Variants in ABCC9 observed in about 807,000 individuals in gnomAD.
ABCC9 encodes ATP binding cassette subfamily C member 9.
ABCC9 carries 95 observed loss-of-function variants against 188.3 expected under a neutral mutation model. That is an observed-to-expected ratio of 0.50 (90% CI 0.43 to 0.60). ABCC9 has a LOEUF of 0.60. ABCC9 is among the 20% of genes least tolerant of loss of function. The probability of loss-of-function intolerance (pLI) is 0.00; values close to 1 mark genes in which losing one functional copy is unlikely to be tolerated. For synonymous variants in ABCC9, 659 were observed against 652.7 expected (o/e 1.01, Z -0.15); for missense variants, 1,102 against 1,876.3 (o/e 0.59, Z 7.62).
chr12:21,818,355 T>C (rs542193237), intron 31 of ABCC9, 104 bp from the exon 32 acceptor site: 21 of 854,456 alleles, frequency 2.5e-5, no homozygotes, highest in South Asian at 2.4e-4. Context: ...CATCATTCCA[T>C]GTGTGTCCTG....
At chr12:21,830,670 A>G (rs1037266146) in intron 30 of ABCC9, among the ~76,000 whole-genome samples, 8 of 152,212 alleles carry the variant, frequency 5.3e-5, no homozygotes, top group Non-Finnish European at 7.3e-5. Context: ...GATCATTCCA[A>G]TATGTCAAAA....
intron 35 of ABCC9, among the ~76,000 whole-genome samples, chr12:21,812,692 C>T (rs1170069928): frequency 6.6e-6 from 1 of 151,922 alleles, no homozygotes; most frequent in Non-Finnish European, 1.5e-5. Context: ...CACACTGGGG[C>T]CTCTCGAGGG....
In ABCC9 at chr12:21,878,706, G is replaced by A. The variant is rs909162449; in HGVS notation, c.2020-2980C>T. Among the ~76,000 whole-genome samples, 4 of 152,270 alleles carry A rather than the reference G, an allele frequency of 2.6e-5. No individual in the cohort carries two copies. The East Asian group carries it at 7.7e-4, about 29-fold the overall frequency. On this transcript the variant is annotated intron_variant, in intron 16 of 39. Transcript: ENST00000261200. ...AGCTTTATGAGTGTGACAGGGAAAG[G>A]TTATGGTCTGAAAGTAGCAGGAAAG...
rs781012885 is a variant in ABCC9 at position 21,801,100 on chromosome 12, T to C, written c.4594A>G (p.Ser1532Gly). 1.9e-6 allele frequency: 3 copies of C among 1,614,036 alleles called. No homozygotes were observed. Among genetic ancestry groups the C allele is most frequent in the Middle Eastern group, 1.6e-4 (1 of 6,062 alleles). Residue 1532 changes from serine to glycine, a missense_variant, in exon 40 of 40, where the codon AGC becomes GGC. Ser to Gly is a moderately conservative substitution (Grantham distance 56, BLOSUM62 0). Coordinates refer to ENST00000261200, the MANE Select transcript of ABCC9 (RefSeq NM_020297.4). ...GNILEYDTPESLLAQENGVFA... is the reference protein window; with the variant it reads ...GNILEYDTPEGLLAQENGVFA... ...ACTCCATTTTCCTGAGCCAAGAGGC[T>C]TTCTGGAGTGTCATATTCTAAAATA...
chr12:21,848,199 C>G lies in ABCC9; in HGVS notation c.2817G>C (p.Arg939=). The G allele has an allele frequency of 6.2e-7, 1 of 1,613,560 alleles. No individual in the cohort carries two copies. Among genetic ancestry groups the G allele is most frequent in the Non-Finnish European group, 8.5e-7 (1 of 1,179,620 alleles). Residue 939 remains arginine, a synonymous_variant, in exon 25 of 40, where the codon CGG becomes CGC. Coordinates refer to ENST00000261200, the MANE Select transcript of ABCC9 (RefSeq NM_020297.4). ...QTTLERKTLR[R]AMYSREAKAQ... is the part of the protein sequence containing the mutation. ...CTTTGGCTTCTCTTGAATACATGGC[C>G]CGTCGGAGAGTTTTCCTCTCTAAAG...
chr12:21,892,591 G>A (rs1056159839), intron 14 of ABCC9, among the ~76,000 whole-genome samples: 3 of 152,180 alleles, frequency 2.0e-5, no homozygotes, highest in Admixed American at 6.5e-5. Flanking sequence ...AAGAAAATGA[G>A]GGCAGATGTG....
At chr12:21,891,418 C>T (rs1947154349) in intron 14 of ABCC9, among the ~76,000 whole-genome samples, 1 of 152,126 alleles carries the variant, frequency 6.6e-6, no homozygotes, top group Non-Finnish European at 1.5e-5. Context: ...GACAAGAACA[C>T]TTCATCATAA....
intron 15 of ABCC9, among the ~76,000 whole-genome samples, chr12:21,884,765 A>G (rs1415310264): frequency 1.3e-5 from 1 of 79,916 alleles, no homozygotes; most frequent in Non-Finnish European, 2.4e-5. Context: ...CACAGAAAAT[A>G]CTAATATATT....
chr12:21,877,452 G>A (rs1332811946), intron 16 of ABCC9, among the ~76,000 whole-genome samples: 1 of 152,180 alleles, frequency 6.6e-6, no homozygotes, highest in African/African-American at 2.4e-5. Context: ...AGGAAATGAT[G>A]AATAGAGCTA....
chr12:21,846,982 C>G (rs909357798), intron 25 of ABCC9, among the ~76,000 whole-genome samples: 1 of 151,974 alleles, frequency 6.6e-6, no homozygotes, highest in Non-Finnish European at 1.5e-5. Context: ...GACTCAACTC[C>G]TTTCTCTTAA....
chr12:21,919,316 A>C (rs1463813642), intron 5 of ABCC9, among the ~76,000 whole-genome samples: 1 of 152,024 alleles, frequency 6.6e-6, no homozygotes, highest in Non-Finnish European at 1.5e-5. Context: ...AGAACACAAA[A>C]ACCAATACTA....
Position 21,845,764 on chromosome 12 carries a change from A to G in ABCC9, c.2935T>C (p.Trp979Arg), listed in dbSNP as rs763968252. Residue 979 changes from tryptophan to arginine, a missense_variant, in exon 26 of 40, where the codon TGG (tryptophan) becomes CGG (arginine). This residue lies in a region of ABCC9 where 131 missense variants were observed against 170.2 expected (regional missense o/e 0.77). Transcript: ENST00000261200. ...GTCAGGTAGCGCCAGCAGGTTTTCC[A>G]TGGCATTTTAGTCCTGAGCCTCATT... ...TVMRLRTKMP[W>R]KTCWRYLTSG... The G allele has an allele frequency of 1.9e-6, 3 of 1,613,920 alleles. No individual in the cohort carries two copies. Among genetic ancestry groups the G allele is most frequent in the Non-Finnish European group, 8.5e-7 (1 of 1,179,864 alleles).
intron 30 of ABCC9, among the ~76,000 whole-genome samples, chr12:21,831,825 G>C (rs1943775640): frequency 6.6e-6 from 1 of 152,178 alleles, no homozygotes; most frequent in Non-Finnish European, 1.5e-5. Flanking sequence ...GTGATGGAGA[G>C]ATTGGAGATG....
chr12:21,890,485 A>G (rs1162724283), intron 14 of ABCC9, among the ~76,000 whole-genome samples: 2 of 152,160 alleles, frequency 1.3e-5, no homozygotes, highest in African/African-American at 4.8e-5. Flanking sequence ...AACATGTTTT[A>G]CATTTTTTCT....
intron 5 of ABCC9, chr12:21,923,151 A>G (rs529167153): frequency 6.6e-6 from 1 of 151,504 alleles, no homozygotes; most frequent in African/African-American, 2.4e-5. Flanking sequence ...AAAGAATCGT[A>G]GTCCTAAAAA....
intron 14 of ABCC9, among the ~76,000 whole-genome samples, chr12:21,889,239 ATT>A (rs2137700756): frequency 6.6e-6 from 1 of 152,314 alleles, no homozygotes; most frequent in Admixed American, 6.5e-5. Flanking sequence ...AAAAGAGGTA[ATT>A]ATTTAGGAAG....
At chr12:21,932,647 C>T (rs1949335296) in intron 4 of ABCC9, among the ~76,000 whole-genome samples, 1 of 151,918 alleles carries the variant, frequency 6.6e-6, no homozygotes, top group Admixed American at 6.6e-5. Flanking sequence ...AGCTCAACAT[C>T]CTTGATCATT....
intron 8 of ABCC9, 108 bp from the exon 9 acceptor site, chr12:21,911,086 A>G (rs1290665290): frequency 1.1e-5 from 12 of 1,085,440 alleles, no homozygotes; most frequent in Non-Finnish European, 1.6e-5. Flanking sequence ...CAAAAATTCA[A>G]TGTATTTATT....
intron 30 of ABCC9, among the ~76,000 whole-genome samples, chr12:21,834,603 T>G (rs563711160): frequency 6.6e-6 from 1 of 152,092 alleles, no homozygotes; most frequent in South Asian, 2.1e-4. Flanking sequence ...AGTGCTTGGG[T>G]GCTGGCCTCT....
Sources: allele counts gnomAD v4.1 joint callset (sites outside exome capture counted in the v4.1 genomes callset), GRCh38; gene constraint gnomAD v4.1.1; regional missense constraint gnomAD v4.1.1; transcripts MANE v1.5; gene names NCBI Gene and HGNC (gene_info 2026-07-23, HGNC 2026-07-21).